ANP32A: variants seen among roughly 807,000 people sequenced by gnomAD.
ANP32A encodes the protein acidic leucine-rich nuclear phosphoprotein 32 family member A.
ANP32A carries 1 observed loss-of-function variant against 33.9 expected under a neutral mutation model. The observed-to-expected ratio is 0.03, with a 90% confidence interval of 0.01 to 0.14. The LOEUF is 0.14. Ranked by LOEUF, ANP32A falls within the 10% of genes least tolerant of loss-of-function variation. The pLI is 1.00. For missense variants in ANP32A, 155 were observed against 306.0 expected, an observed-to-expected ratio of 0.51 and a Z score of 3.68; for synonymous variants, 115 against 120.5, an observed-to-expected ratio of 0.95 and a Z score of 0.30.
intron 1 of ANP32A, among the ~76,000 whole-genome samples, chr15:68,797,229 C>G (rs759445348): frequency 7.9e-5 from 12 of 152,172 alleles, no homozygotes; most frequent in Non-Finnish European, 2.9e-5. Flanking sequence ...CATCTGATGT[C>G]TATCCTCTCA....
chr15:68,799,765 A>G (rs749317036), intron 1 of ANP32A, among the ~76,000 whole-genome samples: 1 of 152,234 alleles, frequency 6.6e-6, no homozygotes, highest in African/African-American at 2.4e-5. Context: ...GAGGAAGGCA[A>G]CCAGGGTAGG....
At chr15:68,818,879 G>A (rs1172111276) in intron 1 of ANP32A, among the ~76,000 whole-genome samples, 1 of 151,110 alleles carries the variant, frequency 6.6e-6, no homozygotes, top group African/African-American at 2.4e-5. Flanking sequence ...GGTCCCGGCC[G>A]GGACGAAAGC....
intron 1 of ANP32A, among the ~76,000 whole-genome samples, chr15:68,806,784 C>T (rs1313731893): frequency 2.0e-5 from 3 of 152,246 alleles, no homozygotes; most frequent in East Asian, 1.9e-4. Flanking sequence ...GAAAGGAAGA[C>T]GTGCAGAAGT....
At chr15:68,817,885 G>C (rs1175753808) in intron 1 of ANP32A, among the ~76,000 whole-genome samples, 1 of 151,528 alleles carries the variant, frequency 6.6e-6, no homozygotes, top group Non-Finnish European at 1.5e-5. Context: ...CGCTCCCCCC[G>C]CCCCCCACAG....
At chr15:68,787,077 G>C in intron 3 of ANP32A, 1 of 267,246 alleles carries the variant, frequency 3.7e-6, no homozygotes, top group South Asian at 4.7e-5. Context: ...GGGGCAACAA[G>C]CCATGCCCTG....
At chr15:68,784,372 C>A (rs757213303) in intron 4 of ANP32A, 25 bp downstream of exon 4, 2 of 1,610,474 alleles carry the variant, frequency 1.2e-6, no homozygotes, top group South Asian at 2.2e-5. Context: ...GCCCCTGCAG[C>A]CCTGGGCCGC....
chr15:68,808,154 C>G (rs1894262927), intron 1 of ANP32A, among the ~76,000 whole-genome samples: 1 of 152,166 alleles, frequency 6.6e-6, no homozygotes, highest in South Asian at 2.1e-4. Flanking sequence ...TTCTTCCTAC[C>G]TGCTGTGAAG....
At chr15:68,798,493 A>G (rs898166322) in intron 1 of ANP32A, among the ~76,000 whole-genome samples, 2 of 152,064 alleles carry the variant, frequency 1.3e-5, no homozygotes, top group African/African-American at 4.8e-5. Flanking sequence ...ATCTAATCCA[A>G]CTTCCCTAGC....
chr15:68,797,357 C>T (rs1337110719), intron 1 of ANP32A, among the ~76,000 whole-genome samples: 1 of 152,150 alleles, frequency 6.6e-6, no homozygotes, highest in African/African-American at 2.4e-5. Context: ...CAAACCACAG[C>T]CGTTCTTGGT....
At chr15:68,814,911 T>C (rs1048675712) in intron 1 of ANP32A, among the ~76,000 whole-genome samples, 5 of 152,212 alleles carry the variant, frequency 3.3e-5, no homozygotes, top group Non-Finnish European at 5.9e-5. Flanking sequence ...GCTCTTTCTA[T>C]CTCTGAGATG....
intron 1 of ANP32A, among the ~76,000 whole-genome samples, chr15:68,803,686 C>T (rs1236658339): frequency 6.6e-6 from 1 of 151,568 alleles, no homozygotes; most frequent in African/African-American, 2.4e-5. Flanking sequence ...CATGGAAAGT[C>T]GCTTTTACTA....
At chr15:68,810,743 G>A (rs980942945) in intron 1 of ANP32A, among the ~76,000 whole-genome samples, 4 of 152,138 alleles carry the variant, frequency 2.6e-5, no homozygotes, top group African/African-American at 4.8e-5. Context: ...GAGAAAGGGA[G>A]AGCATCTATC....
At chr15:68,818,897 GA>G (rs1894430466) in intron 1 of ANP32A, among the ~76,000 whole-genome samples, 1 of 151,596 alleles carries the variant, frequency 6.6e-6, no homozygotes, top group African/African-American at 2.4e-5. Flanking sequence ...AGCGGCCGGA[GA>G]GAGGCAAACC....
At chr15:68,786,252 CTTTT>C (rs558065991) in intron 3 of ANP32A, among the ~76,000 whole-genome samples, 2,456 of 90,128 alleles carry the variant, frequency 0.027, 21 homozygotes, top group African/African-American at 0.049. Context: ...GCTGCTGCTG[CTTTT>C]TTTTTTTTTT....
chr15:68,788,104 C>T (rs1228802580), intron 1 of ANP32A, among the ~76,000 whole-genome samples, 185 bp from the exon 2 acceptor site: 1 of 152,178 alleles, frequency 6.6e-6, no homozygotes, highest in African/African-American at 2.4e-5. Flanking sequence ...CCCACCCTGA[C>T]TTTTCTGCCT....
At chr15:68,792,069 C>T (rs991580820) in intron 1 of ANP32A, 26 of 152,350 alleles carry the variant, frequency 1.7e-4, no homozygotes, top group African/African-American at 6.0e-4. Context: ...GTACTTGGTT[C>T]TAACCCTTCC....
At chr15:68,815,547 C>T (rs904228107) in intron 1 of ANP32A, among the ~76,000 whole-genome samples, 1 of 152,238 alleles carries the variant, frequency 6.6e-6, no homozygotes. Context: ...ACAAATAATT[C>T]TTAGCTCATG....
chr15:68,820,542 C>T (rs1015704543), intron 1 of ANP32A, among the ~76,000 whole-genome samples, 156 bp downstream of exon 1: 2 of 142,464 alleles, frequency 1.4e-5, no homozygotes, highest in African/African-American at 5.2e-5. Context: ...GCATTGCAAC[C>T]CCCCAGCCTT....
chr15:68,815,687 T>G (rs570187304), intron 1 of ANP32A, among the ~76,000 whole-genome samples: 3 of 152,326 alleles, frequency 2.0e-5, no homozygotes, highest in South Asian at 2.1e-4. Context: ...ATGGACCCAA[T>G]GGACTATCCA....
Sources: allele counts gnomAD v4.1 joint callset (sites outside exome capture counted in the v4.1 genomes callset), GRCh38; gene constraint gnomAD v4.1.1; transcripts MANE v1.5; gene names NCBI Gene and HGNC (gene_info 2026-07-23, HGNC 2026-07-21).